The following DYNC1I1 variants were observed in gnomAD, a reference collection of about 807,000 sequenced individuals.
DYNC1I1 encodes the protein dynein cytoplasmic 1 intermediate chain 1, also known as cytoplasmic dynein 1 intermediate chain 1.
Under a neutral mutation model 86.6 loss-of-function variants are expected in DYNC1I1, and 43 were observed. That is an observed-to-expected ratio of 0.50 (90% confidence interval 0.39 to 0.64). The LOEUF (loss-of-function observed/expected upper bound fraction) is 0.64. Ranked by LOEUF, DYNC1I1 falls within the 30% of genes least tolerant of loss-of-function variation. The pLI is 0.00. For synonymous variants in DYNC1I1, 262 were observed against 283.7 expected (o/e 0.92, Z 0.77); for missense variants, 604 against 788.8 (o/e 0.77, Z 2.81).
At chr7:95,829,205 C>CAG in intron 5 of DYNC1I1, among the ~76,000 whole-genome samples, 1 of 152,226 alleles carries the variant, frequency 6.6e-6, no homozygotes, top group East Asian at 1.9e-4. Context: ...TCAATGCCTA[C>CAG]TGTAGGTATA....
chr7:95,949,834 G>A (rs1337326811), intron 6 of DYNC1I1, among the ~76,000 whole-genome samples: 2 of 152,124 alleles, frequency 1.3e-5, no homozygotes, highest in Admixed American at 6.5e-5. Context: ...AACCAAAGTG[G>A]ACCTGAACAG....
Position 95,909,240 on chromosome 7 carries a change from GGGT to G in DYNC1I1, c.490+39245_490+39247del, listed in dbSNP as rs1791259837. Among the ~76,000 whole-genome samples, 7 of 65,114 alleles carry G rather than the reference GGGT, an allele frequency of 1.1e-4. No homozygotes were observed. The South Asian group carries it at 2.8e-3, about 26-fold the overall frequency. The allele number at this position is 65,114 out of a possible 152,430, so 42.7% of individuals were successfully genotyped here. On this transcript the variant is annotated intron_variant, in intron 6 of 16. Transcript: ENST00000447467. ...TGGAGAAACTTGGAGGGTGGGAGGG[GGGT>G]GGGGGGGGGGGGCGGGGCGGGAAGG... is the stretch of plus-strand genomic sequence containing the variant.
In DYNC1I1 at chr7:96,050,692, T is replaced by C. The variant is rs540059395; in HGVS notation, c.1509+11271T>C. Among the ~76,000 whole-genome samples the C allele has an allele frequency of 5.3e-5, 8 of 152,296 alleles. No homozygotes were observed. The South Asian group carries it at 1.5e-3, about 28-fold the overall frequency. ...CTGTATTTATCCCCATGATTGCCAC[T>C]AGACCTGCTTCTTCAAAAGTTGCCC... On this transcript the variant is annotated intron_variant, in intron 14 of 16. Coordinates refer to ENST00000447467, the MANE Select transcript of DYNC1I1 (RefSeq NM_001135556.2).
intron 14 of DYNC1I1, among the ~76,000 whole-genome samples, chr7:96,070,284 G>T (rs1157506578): frequency 6.6e-6 from 1 of 152,104 alleles, no homozygotes; most frequent in Admixed American, 6.5e-5. Flanking sequence ...TGGTTTACTT[G>T]TTTGTTTAAG....
chr7:96,109,372 C>A (rs1791274470), intron 16 of DYNC1I1, among the ~76,000 whole-genome samples: 1 of 146,254 alleles, frequency 6.8e-6, no homozygotes, highest in Non-Finnish European at 1.5e-5. Context: ...CCTCCCCACA[C>A]CCCACAACAG....
chr7:95,815,936 C>G (rs550351833), intron 4 of DYNC1I1, among the ~76,000 whole-genome samples: 1 of 152,040 alleles, frequency 6.6e-6, no homozygotes, highest in African/African-American at 2.4e-5. Flanking sequence ...ACTAGTTAAT[C>G]TGCAAATTGG....
At chr7:95,996,223 A>C in intron 10 of DYNC1I1, 150 bp downstream of exon 10, 1 of 1,191,970 alleles carries the variant, frequency 8.4e-7, no homozygotes, top group Non-Finnish European at 1.2e-6. Context: ...CAGTAACCTA[A>C]TGTTTTGGGA....
intron 1 of DYNC1I1, among the ~76,000 whole-genome samples, chr7:95,789,831 C>A (rs1794246520): frequency 6.6e-6 from 1 of 152,108 alleles, no homozygotes; most frequent in East Asian, 1.9e-4. Context: ...CAATATATTT[C>A]AAAAGTTTAA....
chr7:95,996,212 A>G, intron 10 of DYNC1I1, 139 bp downstream of exon 10: 1 of 1,283,206 alleles, frequency 7.8e-7, no homozygotes, highest in East Asian at 2.5e-5. Flanking sequence ...AAATTCCCCC[A>G]CAGTAACCTA....
At chr7:95,952,513 C>T (rs1792587351) in intron 6 of DYNC1I1, among the ~76,000 whole-genome samples, 1 of 152,108 alleles carries the variant, frequency 6.6e-6, no homozygotes, top group Non-Finnish European at 1.5e-5. Context: ...CTTTTATCCC[C>T]ACTTTACTAG....
In DYNC1I1 at chr7:95,943,556, G is replaced by C. The variant is rs1193302013; in HGVS notation, c.491-33956G>C. On this transcript the variant is annotated intron_variant, in intron 6 of 16. Transcript: ENST00000447467. ...TTCATATGGAACCAAAAAAGAGCCC[G>C]CATTGCCAAGTCAATCCTAAGCCAA... 1.8e-3 allele frequency among the ~76,000 whole-genome samples: 138 copies of C among 78,290 alleles called. 6 individuals carry two copies. Among genetic ancestry groups the C allele is most frequent in the Middle Eastern group, 6.2e-3 (1 of 162 alleles). The allele number at this position is 78,290 out of a possible 152,430, so 51.4% of individuals were successfully genotyped here.
intron 9 of DYNC1I1, among the ~76,000 whole-genome samples, chr7:95,991,970 G>A (rs994938646): frequency 6.6e-5 from 10 of 152,106 alleles, no homozygotes; most frequent in African/African-American, 1.7e-4. Context: ...AAGCGTTCTC[G>A]TGCCTCCCCA....
chr7:95,821,695 A>G (rs1011114181), intron 4 of DYNC1I1, among the ~76,000 whole-genome samples: 2 of 152,030 alleles, frequency 1.3e-5, no homozygotes, highest in Non-Finnish European at 2.9e-5. Flanking sequence ...TTTTGTTATT[A>G]TTATTATTAT....
chr7:96,029,424 G>A (rs576016119), intron 11 of DYNC1I1, among the ~76,000 whole-genome samples: 15 of 152,260 alleles, frequency 9.9e-5, no homozygotes, highest in African/African-American at 3.6e-4. Flanking sequence ...TGGATGGCTG[G>A]TGTATTTCTG....
intron 6 of DYNC1I1, among the ~76,000 whole-genome samples, chr7:95,885,199 A>C (rs1340635138): frequency 6.6e-6 from 1 of 151,886 alleles, no homozygotes; most frequent in Non-Finnish European, 1.5e-5. Flanking sequence ...ATGGAGTCTC[A>C]GTCTGTTGCT....
Position 95,880,786 on chromosome 7 carries a change from C to G in DYNC1I1, c.490+10788C>G, listed in dbSNP as rs140650154. 5.5e-3 allele frequency among the ~76,000 whole-genome samples: 838 copies of G among 151,806 alleles called. 5 individuals are homozygous for G. The highest frequency in any genetic ancestry group is 0.012 in the African/African-American group (500 of 41,372). ...TCAGCCTCCCGAGTAGCTGGGATTA[C>G]AGGTGCACACCACCGTGCCCAGCTA... On this transcript the variant is annotated intron_variant, in intron 6 of 16. Coordinates refer to ENST00000447467, the MANE Select transcript of DYNC1I1 (RefSeq NM_001135556.2).
chr7:95,886,487 G>T (rs78122291), intron 6 of DYNC1I1, among the ~76,000 whole-genome samples: 3 of 149,114 alleles, frequency 2.0e-5, no homozygotes, highest in Non-Finnish European at 4.5e-5. Context: ...CTCACCAAAA[G>T]AAAAAAAAAA....
intron 14 of DYNC1I1, among the ~76,000 whole-genome samples, chr7:96,067,450 T>C (rs1363428623): frequency 6.6e-6 from 1 of 151,580 alleles, no homozygotes. Flanking sequence ...CTTTCCTTTT[T>C]TTTTTTTTTT....
chr7:95,878,783 T>C (rs1477943031), intron 6 of DYNC1I1, among the ~76,000 whole-genome samples: 1 of 151,984 alleles, frequency 6.6e-6, no homozygotes, highest in African/African-American at 2.4e-5. Flanking sequence ...CACAGCATAG[T>C]ACAAATGCTG....
Sources: gnomAD v4.1 joint callset for allele counts (sites outside exome capture counted in the v4.1 genomes callset) on GRCh38, gnomAD v4.1.1 for gene constraint, MANE v1.5 for transcripts, NCBI Gene and HGNC (gene_info 2026-07-23, HGNC 2026-07-21) for gene names.